CIITA: variants seen among roughly 807,000 people sequenced by gnomAD.
CIITA encodes the protein class II major histocompatibility complex transactivator.
Under a neutral mutation model 115.1 loss-of-function variants are expected in CIITA, and 72 were observed. That is an observed-to-expected ratio of 0.63 (90% CI 0.52 to 0.76). CIITA has a LOEUF of 0.76. Ranked by LOEUF, CIITA falls within the 30% of genes least tolerant of loss-of-function variation. The pLI is 0.00. For missense variants in CIITA, 1,617 were observed against 1,463.8 expected, an observed-to-expected ratio of 1.10 and a Z score of -1.71; for synonymous variants, 763 against 635.6, an observed-to-expected ratio of 1.20 and a Z score of -3.02.
rs2040481571 is a variant in CIITA, at chr16:10,925,190, G to T, written c.*1335G>T. 1 of 152,260 alleles carries T rather than the reference G, an allele frequency of 6.6e-6. No homozygotes were observed. Among genetic ancestry groups the T allele is most frequent in the Non-Finnish European group, 1.5e-5 (1 of 68,046 alleles). The allele number at this position is 152,260 out of a possible 1,614,324, so 9.4% of individuals were successfully genotyped here. On this transcript the variant is annotated 3_prime_UTR_variant, in exon 20 of 20. Transcript: ENST00000324288. ...GGCTAGGACCCCTCCATGTGGGCTA[G>T]TTGGGCTTCCTCATAGTATGGTGGC...
intron 1 of CIITA, among the ~76,000 whole-genome samples, chr16:10,884,715 C>T (rs2143792265): frequency 6.6e-6 from 1 of 152,312 alleles, no homozygotes; most frequent in African/African-American, 2.4e-5. Flanking sequence ...TCTCAGACAG[C>T]TTACCTCTTA....
At chr16:10,904,199 T>G (rs567077129) in intron 9 of CIITA, among the ~76,000 whole-genome samples, 2 of 152,230 alleles carry the variant, frequency 1.3e-5, no homozygotes, top group South Asian at 2.1e-4. Flanking sequence ...TACATAGATA[T>G]TGTGATTTTT....
At chr16:10,909,665 T>C (rs1438389687) in intron 12 of CIITA, among the ~76,000 whole-genome samples, 2 of 152,378 alleles carry the variant, frequency 1.3e-5, no homozygotes, top group South Asian at 2.1e-4. Context: ...CTGTCTGGGA[T>C]AGGTACTGGT....
upstream of CIITA, among the ~76,000 whole-genome samples, chr16:10,874,402 T>C (rs1043177795): frequency 6.6e-6 from 1 of 152,160 alleles, no homozygotes; most frequent in Non-Finnish European, 1.5e-5. Context: ...CTAGAGGTTG[T>C]CATTCTGCCT....
Position 10,895,668 on chromosome 16 carries a change from G to T in CIITA, c.200-1G>T. On this transcript the variant is annotated splice_acceptor_variant, in intron 2 of 19. Transcript: ENST00000324288. LOFTEE classifies it high-confidence loss of function. Reference sequence around the variant, plus strand: ...TTCATCCAAGGGACTTTTCCTCCCAGAACCCGACACAGACACCATCAACTG... The same window carrying T: ...TTCATCCAAGGGACTTTTCCTCCCATAACCCGACACAGACACCATCAACTG... The T allele has an allele frequency of 6.2e-7, 1 of 1,614,058 alleles. No homozygotes were observed. Among genetic ancestry groups the T allele is most frequent in the Non-Finnish European group, 8.5e-7 (1 of 1,180,016 alleles).
chr16:10,915,205 A>G, intron 13 of CIITA: 1 of 378,802 alleles, frequency 2.6e-6, no homozygotes, highest in Non-Finnish European at 5.1e-6. Flanking sequence ...ACACACCACC[A>G]CACTTGGCTA....
intron 1 of CIITA, among the ~76,000 whole-genome samples, chr16:10,877,912 C>A (rs2035996032): frequency 6.6e-6 from 1 of 152,142 alleles, no homozygotes; most frequent in African/African-American, 2.4e-5. Context: ...GACGGGGGAA[C>A]AGATGGTGGG....
At chr16:10,940,997 C>A (rs368177289), downstream of CIITA, 9 of 152,380 alleles carry the variant, frequency 5.9e-5, no homozygotes, top group East Asian at 1.7e-3. This position sits in a 1 kb window ranked among gnomAD's most constrained non-coding sequence, Gnocchi z 4.2. Flanking sequence ...AAACCTGACT[C>A]CAAAATAGCA....
intron 15 of CIITA, among the ~76,000 whole-genome samples, chr16:10,918,157 T>A (rs2040060802): frequency 6.6e-6 from 1 of 152,154 alleles, no homozygotes; most frequent in Non-Finnish European, 1.5e-5. Flanking sequence ...ATGCCAACAC[T>A]TATTTCATTA....
intron 15 of CIITA, chr16:10,916,822 A>C: frequency 2.5e-6 from 1 of 392,684 alleles, no homozygotes; most frequent in South Asian, 2.9e-5. Flanking sequence ...TCATTTCTTT[A>C]CTTACCCAAC....
At chr16:10,902,606 G>A (rs564243852) in intron 7 of CIITA, 52 bp from the exon 8 acceptor site, 81 of 1,611,674 alleles carry the variant, frequency 5.0e-5, no homozygotes, top group African/African-American at 6.7e-5. Flanking sequence ...AAGCAGAATC[G>A]CAAACACAGG....
At chr16:10,939,830 CTT>C (rs1356069629), downstream of CIITA, 1 of 152,440 alleles carries the variant, frequency 6.6e-6, no homozygotes, top group Non-Finnish European at 1.5e-5. This position sits in a 1 kb window ranked among gnomAD's most constrained non-coding sequence, Gnocchi z 4.9. Context: ...ATCTGATTCT[CTT>C]GTTTGGGTTC....
rs374099467 is a variant in CIITA, at chr16:10,922,506, C to T, written c.3317+16C>T. The stretch of plus-strand genomic sequence containing the variant: ...AGACGCTGGCGTAAGTCCAGGCAAC[C>T]CTGGTGGGTGGAGAACAACTCACTC... On this transcript the variant is annotated intron_variant, in intron 18 of 19. Transcript: ENST00000324288. The T allele has an allele frequency of 2.0e-5, 33 of 1,613,648 alleles. No individual in the cohort carries two copies. In the African/African-American group the frequency reaches 4.4e-4, roughly 21 times the overall value.
downstream of CIITA, chr16:10,940,345 T>C (rs1034229805): frequency 1.3e-5 from 2 of 152,236 alleles, no homozygotes; most frequent in Non-Finnish European, 2.9e-5. This position sits in a 1 kb window ranked among gnomAD's most constrained non-coding sequence, Gnocchi z 4.2. Flanking sequence ...CCCCAGCCTA[T>C]GGTGTTCTGT....
Position 10,907,564 on chromosome 16 carries a change from C to A in CIITA, c.2072C>A (p.Ala691Asp), listed in dbSNP as rs78108426. The A allele has an allele frequency of 0.014, 22,156 of 1,614,164 alleles. 573 individuals are homozygous for A. The highest frequency in any genetic ancestry group is 0.13 in the East Asian group (5,939 of 44,864). ...GCAGACGTGAGGACCTGGGCGATGG[C>A]CAAAGGCTTAGTCCAACACCCACCG... is the stretch of plus-strand genomic sequence containing the variant. ...PSADVRTWAM[A>D]KGLVQHPPRA... The change falls in exon 11 of 20, where the codon GCC becomes GAC. Residue 691 changes from alanine to aspartate, a missense_variant. Physicochemically the swap from Ala to Asp is moderately radical, Grantham distance 126 (BLOSUM62 -2). Transcript: ENST00000324288. The surrounding 1 kb of genome is among the most constrained non-coding windows in gnomAD (Gnocchi z 5.0).
intron 1 of CIITA, among the ~76,000 whole-genome samples, chr16:10,889,035 G>A (rs894857253): frequency 2.6e-5 from 4 of 152,216 alleles, no homozygotes; most frequent in Non-Finnish European, 4.4e-5. Context: ...TGGACACTGT[G>A]AATTCTAGTT....
At chr16:10,894,191 C>T (rs1474268056) in intron 1 of CIITA, among the ~76,000 whole-genome samples, 1 of 152,090 alleles carries the variant, frequency 6.6e-6, no homozygotes, top group African/African-American at 2.4e-5. Flanking sequence ...CTGTTTTGGT[C>T]ATTTCAAATA....
In CIITA at chr16:10,906,565, G is replaced by T. The variant is rs776145930; in HGVS notation, c.1073G>T (p.Gly358Val). Residue 358 changes from glycine (G) to valine (V), a missense_variant, in exon 11 of 20, where the codon GGC becomes GTC. By Grantham distance (109) the Gly-to-Val change is moderately radical. Coordinates refer to ENST00000324288, the MANE Select transcript of CIITA (RefSeq NM_000246.4). Reference protein sequence around the residue: ...TYGAEPAGPDGILVEVDLVQA... With the variant: ...TYGAEPAGPDVILVEVDLVQA... ...GGTGCCGAGCCCGCAGGCCCGGATGGCATCCTAGTGGAGGTGGATCTGGTG... is the reference window on the plus strand; with the variant it reads ...GGTGCCGAGCCCGCAGGCCCGGATGTCATCCTAGTGGAGGTGGATCTGGTG... 2 of 1,613,338 alleles carry T rather than the reference G, an allele frequency of 1.2e-6. No homozygotes were observed. Among genetic ancestry groups the T allele is most frequent in the South Asian group, 2.2e-5 (2 of 91,060 alleles).
intron 1 of CIITA, chr16:10,866,648 AG>A (rs1431775071): frequency 6.3e-5 from 25 of 399,376 alleles, no homozygotes; most frequent in Admixed American, 2.0e-4. Flanking sequence ...CCTCTCTGAA[AG>A]GGAAGTCAAT....
Sources: gnomAD v4.1 joint callset for allele counts (sites outside exome capture counted in the v4.1 genomes callset) on GRCh38, gnomAD v4.1.1 for gene constraint, Gnocchi (gnomAD v3.1) non-coding constraint, MANE v1.5 for transcripts, NCBI Gene and HGNC (gene_info 2026-07-23, HGNC 2026-07-21) for gene names.